HHIP: variants seen among roughly 807,000 people sequenced by gnomAD.
HHIP encodes hedgehog interacting protein.
Under a neutral mutation model 74.0 loss-of-function variants are expected in HHIP, and 12 were observed. The observed-to-expected ratio is 0.16, with a 90% CI of 0.10 to 0.26. The LOEUF (loss-of-function observed/expected upper bound fraction) is 0.26, where lower values mean the gene tolerates loss of function less well. Among genes scored for constraint, HHIP ranks in the 10% least tolerant of loss-of-function variants. The pLI is 1.00. For synonymous variants in HHIP, 309 were observed against 311.6 expected (o/e 0.99, Z 0.09); for missense variants, 788 against 845.0 (o/e 0.93, Z 0.84).
chr4:144,737,249 AG>A (rs1731145299), intron 12 of HHIP, among the ~76,000 whole-genome samples: 1 of 151,862 alleles, frequency 6.6e-6, no homozygotes, highest in Admixed American at 6.5e-5. Context: ...TGGAAGCAAG[AG>A]GAAGGAAGAA....
chr4:144,701,981 A>G (rs918454560), intron 4 of HHIP, among the ~76,000 whole-genome samples: 15 of 152,200 alleles, frequency 9.9e-5, no homozygotes, highest in African/African-American at 3.4e-4. Flanking sequence ...TTGTCCTATA[A>G]TGTCTGTTAA....
intron 4 of HHIP, among the ~76,000 whole-genome samples, chr4:144,679,290 T>C (rs182255031): frequency 2.0e-5 from 3 of 152,310 alleles, no homozygotes; most frequent in Non-Finnish European, 4.4e-5. Flanking sequence ...CTTTGTCAGA[T>C]TTATAGATTG....
At position 144,704,288 on chromosome 4, in the gene HHIP, AT is replaced by A. The variant is rs546720759; in HGVS notation, c.832-2241del. ...CCCAAAAATGAGATCATATGTAATG[AT>A]TAATCAATTGTAAATCCTATTACCT... On this transcript the variant is annotated intron_variant, in intron 4 of 12. Transcript: ENST00000296575. 3.4e-3 allele frequency among the ~76,000 whole-genome samples: 522 copies of A among 152,334 alleles called. 3 individuals are homozygous for A. Among genetic ancestry groups the A allele is most frequent in the Middle Eastern group, 0.014 (4 of 294 alleles).
intron 4 of HHIP, among the ~76,000 whole-genome samples, chr4:144,672,858 T>A (rs1729078084): frequency 6.6e-6 from 1 of 152,094 alleles, no homozygotes; most frequent in African/African-American, 2.4e-5. Context: ...CCTGCCACCA[T>A]GCCCAGCTAT....
At chr4:144,692,786 T>C (rs1445765780) in intron 4 of HHIP, among the ~76,000 whole-genome samples, 2 of 152,144 alleles carry the variant, frequency 1.3e-5, no homozygotes, top group Non-Finnish European at 2.9e-5. Context: ...TCCTTCTATC[T>C]TTCCATGCAA....
chr4:144,690,228 C>T (rs1729609515), intron 4 of HHIP, among the ~76,000 whole-genome samples: 1 of 152,080 alleles, frequency 6.6e-6, no homozygotes, highest in Non-Finnish European at 1.5e-5. Flanking sequence ...TATTTGAATA[C>T]CTAGAGTTAT....
In HHIP at chr4:144,666,605, T is replaced by G. The variant is rs182941458; in HGVS notation, c.831+6767T>G. Among the ~76,000 whole-genome samples the G allele has an allele frequency of 3.3e-5, 5 of 152,336 alleles. No homozygotes were observed. The East Asian group carries it at 9.6e-4, about 29-fold the overall frequency. ...ATTTCAAATGCAGTTTGTCTGACAC[T>G]GTGCTCTCAACCAGGGTGCTAAGCT... is the stretch of plus-strand genomic sequence containing the variant. On this transcript the variant is annotated intron_variant, in intron 4 of 12. Coordinates refer to ENST00000296575, the MANE Select transcript of HHIP (RefSeq NM_022475.3).
At chr4:144,710,686 AT>A (rs933614661) in intron 7 of HHIP, among the ~76,000 whole-genome samples, 3 of 152,234 alleles carry the variant, frequency 2.0e-5, no homozygotes, top group African/African-American at 7.2e-5. Context: ...GTCTGGGAAC[AT>A]TTTTGGTTTT....
At chr4:144,698,378 T>G (rs921963160) in intron 4 of HHIP, among the ~76,000 whole-genome samples, 2 of 152,220 alleles carry the variant, frequency 1.3e-5, no homozygotes, top group African/African-American at 4.8e-5. Flanking sequence ...ACCTTTTCTA[T>G]GTTTACATGC....
chr4:144,691,842 A>G (rs1729680421), intron 4 of HHIP, among the ~76,000 whole-genome samples: 1 of 152,100 alleles, frequency 6.6e-6, no homozygotes, highest in Admixed American at 6.6e-5. Flanking sequence ...AATAAGGGAG[A>G]AAAAAACAAA....
At chr4:144,707,288 T>C in intron 6 of HHIP, 28 bp downstream of exon 6, 1 of 1,547,688 alleles carries the variant, frequency 6.5e-7, no homozygotes, top group African/African-American at 1.4e-5. Flanking sequence ...GATGGGTTCC[T>C]CTCAAGGTTA....
chr4:144,718,089 G>A (rs762858815), intron 10 of HHIP, among the ~76,000 whole-genome samples: 2 of 152,128 alleles, frequency 1.3e-5, no homozygotes, highest in African/African-American at 2.4e-5. Flanking sequence ...TGTACAGGAG[G>A]AGGAAAATCA....
intron 4 of HHIP, among the ~76,000 whole-genome samples, chr4:144,699,375 CA>C (rs1729914397): frequency 6.6e-6 from 1 of 152,146 alleles, no homozygotes; most frequent in South Asian, 2.1e-4. Context: ...GGGTGCTGTA[CA>C]GAGCTCCCCT....
chr4:144,735,237 A>C (rs1578733711), intron 12 of HHIP, among the ~76,000 whole-genome samples: 1 of 152,246 alleles, frequency 6.6e-6, no homozygotes, highest in African/African-American at 2.4e-5. Flanking sequence ...AGTGTTTGCA[A>C]AGCCCCTCTC....
At chr4:144,700,472 T>A (rs867079830) in intron 4 of HHIP, among the ~76,000 whole-genome samples, 7 of 152,172 alleles carry the variant, frequency 4.6e-5, no homozygotes, top group African/African-American at 1.7e-4. Flanking sequence ...CAAAGGGGAA[T>A]TAAGGTTGCA....
chr4:144,732,416 TA>T (rs1730986306), intron 11 of HHIP, among the ~76,000 whole-genome samples: 1 of 152,208 alleles, frequency 6.6e-6, no homozygotes, highest in African/African-American at 2.4e-5. Context: ...TACCAAATCT[TA>T]GGGAAAAAAT....
At chr4:144,715,069 C>G (rs1026643581) in intron 9 of HHIP, 6 of 389,692 alleles carry the variant, frequency 1.5e-5, no homozygotes, top group Non-Finnish European at 2.9e-5. Flanking sequence ...TTTTCTCATA[C>G]TCAGGTACTT....
intron 2 of HHIP, among the ~76,000 whole-genome samples, chr4:144,654,695 G>A (rs147301347): frequency 6.6e-6 from 1 of 152,166 alleles, no homozygotes; most frequent in Admixed American, 6.5e-5. Context: ...CAGCACAGAA[G>A]TGTCTTTACA....
chr4:144,722,872 C>T (rs550037241), intron 11 of HHIP, among the ~76,000 whole-genome samples: 2 of 152,002 alleles, frequency 1.3e-5, no homozygotes, highest in Non-Finnish European at 2.9e-5. Flanking sequence ...AAAAAGAACT[C>T]TCAATACATA....
Sources: allele counts gnomAD v4.1 joint callset (sites outside exome capture counted in the v4.1 genomes callset), GRCh38; gene constraint gnomAD v4.1.1; transcripts MANE v1.5; gene names NCBI Gene and HGNC (gene_info 2026-07-23, HGNC 2026-07-21).